Variants in MCM5 observed in about 807,000 individuals in gnomAD.
MCM5 encodes the protein DNA replication licensing factor MCM5.
MCM5 carries 46 observed loss-of-function variants against 79.9 expected under a neutral mutation model. The observed-to-expected ratio is 0.58, with a 90% CI of 0.45 to 0.74. MCM5 has a LOEUF of 0.74. MCM5 is among the 30% of genes least tolerant of loss of function. The pLI is 0.00. For missense variants in MCM5, 883 were observed against 1,017.0 expected (o/e 0.87, Z 1.79); for synonymous variants, 404 against 390.5 (o/e 1.03, Z -0.41).
chr22:35,425,172 C>T lies in MCM5; in HGVS notation c.*917C>T, dbSNP rs1240867657. On this transcript the variant is annotated 3_prime_UTR_variant, in exon 17 of 17. Transcript: ENST00000216122. The stretch of plus-strand genomic sequence containing the variant: ...TTGCCAAGTGCCTCGGTCACTTTGC[C>T]TAATTTCAGAAAGTCACTCTGAGTT... 6.6e-6 allele frequency: 1 copy of T among 152,064 alleles called. No individual in the cohort carries two copies. The highest frequency in any genetic ancestry group is 6.5e-5 in the Admixed American group (1 of 15,270). The allele number at this position is 152,064 out of a possible 1,614,324, so 9.4% of individuals were successfully genotyped here.
chr22:35,450,602 A>G, the MCM5 span, among the ~76,000 whole-genome samples: 4 of 152,174 alleles, frequency 2.6e-5, no homozygotes, highest in South Asian at 2.1e-4. Context: ...GGAGAATCCA[A>G]CCGGAGCCAC....
chr22:35,450,904 CCTT>C, the MCM5 span, among the ~76,000 whole-genome samples: 1 of 152,214 alleles, frequency 6.6e-6, no homozygotes, highest in Non-Finnish European at 1.5e-5. Flanking sequence ...TCTACCCACT[CCTT>C]CATCCCCCAA....
At chr22:35,412,107 T>C (rs963836728) in intron 7 of MCM5, among the ~76,000 whole-genome samples, 10 of 152,210 alleles carry the variant, frequency 6.6e-5, no homozygotes, top group Non-Finnish European at 1.5e-4. Context: ...CAGCCCTCCC[T>C]GGATCACCGT....
intron 8 of MCM5, among the ~76,000 whole-genome samples, chr22:35,413,291 G>C (rs563033994): frequency 6.6e-6 from 1 of 152,098 alleles, no homozygotes; most frequent in Non-Finnish European, 1.5e-5. Flanking sequence ...TGATCCGCCC[G>C]CCTCGGCCTC....
At chr22:35,440,717 G>C in the MCM5 span, among the ~76,000 whole-genome samples, 2 of 152,176 alleles carry the variant, frequency 1.3e-5, no homozygotes, top group Admixed American at 6.5e-5. Context: ...CTGGTCTGGA[G>C]GCAGGCATGC....
At chr22:35,428,187 AT>A (rs1201348079), downstream of MCM5, among the ~76,000 whole-genome samples, 4 of 151,412 alleles carry the variant, frequency 2.6e-5, no homozygotes, top group Non-Finnish European at 5.9e-5. Flanking sequence ...CACCCAGCTA[AT>A]TTTTTGTATT....
At chr22:35,423,988 C>G in intron 16 of MCM5, 166 bp from the exon 17 acceptor site, 1 of 565,040 alleles carries the variant, frequency 1.8e-6, no homozygotes, top group Admixed American at 3.5e-5. Flanking sequence ...AGTGGCTTAG[C>G]CTCCGTGTGC....
At chr22:35,438,587 C>G in the MCM5 span, among the ~76,000 whole-genome samples, 6 of 58,894 alleles carry the variant, frequency 1.0e-4, no homozygotes, top group African/African-American at 4.0e-4. Context: ...ATCCATCCAT[C>G]CATCCATGCA....
chr22:35,409,834 T>A (rs1932324578), intron 6 of MCM5: 1 of 152,256 alleles, frequency 6.6e-6, no homozygotes, highest in South Asian at 2.1e-4. Context: ...AGTTTCCTCA[T>A]CAGTAAAATG....
intron 10 of MCM5, among the ~76,000 whole-genome samples, 181 bp from the exon 11 acceptor site, chr22:35,416,158 G>A (rs919191079): frequency 8.5e-5 from 13 of 152,200 alleles, no homozygotes; most frequent in African/African-American, 2.9e-4. Context: ...TCTGAAGAGT[G>A]GGGAGAAGAA....
the MCM5 span, among the ~76,000 whole-genome samples, chr22:35,445,441 G>A: frequency 7.1e-6 from 1 of 140,136 alleles, no homozygotes; most frequent in Non-Finnish European, 1.5e-5. Context: ...TGATTCTCCT[G>A]TCTCAGCCTC....
At chr22:35,403,090 G>A in intron 2 of MCM5, 117 bp from the exon 3 acceptor site, 1 of 1,210,354 alleles carries the variant, frequency 8.3e-7, no homozygotes, top group African/African-American at 1.5e-5. Context: ...AAGAGGAATG[G>A]TGAGGTCATG....
the MCM5 span, among the ~76,000 whole-genome samples, chr22:35,431,273 C>T: frequency 2.6e-5 from 4 of 152,194 alleles, no homozygotes; most frequent in South Asian, 2.1e-4. Flanking sequence ...TGGGTATCCT[C>T]GTCCTGGGTT....
intron 4 of MCM5, among the ~76,000 whole-genome samples, chr22:35,403,911 T>C (rs1932136532): frequency 6.6e-6 from 1 of 150,486 alleles, no homozygotes; most frequent in Non-Finnish European, 1.5e-5. Context: ...ATACCGGGAG[T>C]TTGAGACCCT....
At chr22:35,417,934 T>C (rs1174317373) in intron 13 of MCM5, 78 bp downstream of exon 13, 2 of 952,864 alleles carry the variant, frequency 2.1e-6, no homozygotes, top group African/African-American at 3.2e-5. Context: ...CCCCTGGTCC[T>C]GCTCCTCCTC....
intron 7 of MCM5, among the ~76,000 whole-genome samples, chr22:35,412,038 T>G (rs1043441630): frequency 6.6e-6 from 1 of 152,104 alleles, no homozygotes; most frequent in Non-Finnish European, 1.5e-5. Flanking sequence ...AGCTCCACCT[T>G]TAAAACGTGT....
chr22:35,400,362 C>CA (rs1932000269), intron 1 of MCM5, 69 bp from the exon 2 acceptor site: 1 of 1,576,868 alleles, frequency 6.3e-7, no homozygotes, highest in Non-Finnish European at 8.7e-7. Context: ...GGCAGGGACC[C>CA]AGGCGTCGGA....
intron 2 of MCM5, 53 bp downstream of exon 2, chr22:35,400,658 C>T: frequency 9.3e-6 from 14 of 1,505,766 alleles, no homozygotes; most frequent in Non-Finnish European, 1.2e-5. Context: ...CGCTCACACG[C>T]CTCTACCAGC....
chr22:35,418,668 A>AT (rs57119408), intron 13 of MCM5, among the ~76,000 whole-genome samples: 16,419 of 137,442 alleles, frequency 0.12, 943 homozygotes, highest in African/African-American at 0.17. Flanking sequence ...TCAAAAAAAA[A>AT]AAATATATAT....
Sources: allele counts gnomAD v4.1 joint callset (sites outside exome capture counted in the v4.1 genomes callset), GRCh38; gene constraint gnomAD v4.1.1; transcripts MANE v1.5; gene names NCBI Gene and HGNC (gene_info 2026-07-23, HGNC 2026-07-21).